The following TRPM3 variants were observed in gnomAD, a reference collection of about 807,000 sequenced individuals.
TRPM3 encodes long transient receptor potential channel 3.
TRPM3 carries 77 observed loss-of-function variants against 181.2 expected under a neutral mutation model. The observed-to-expected ratio is 0.42, with a 90% confidence interval of 0.35 to 0.51. The LOEUF (loss-of-function observed/expected upper bound fraction) is 0.51, where lower values mean the gene tolerates loss of function less well. Ranked by LOEUF, TRPM3 falls within the 20% of genes least tolerant of loss-of-function variation. TRPM3 has a pLI of 0.01. For missense variants in TRPM3, 1,759 were observed against 2,196.7 expected, an observed-to-expected ratio of 0.80 and a Z score of 3.98; for synonymous variants, 745 against 796.4, an observed-to-expected ratio of 0.94 and a Z score of 1.09.
intron 1 of TRPM3, among the ~76,000 whole-genome samples, chr9:70,962,385 A>C (rs2097144965): frequency 1.3e-5 from 2 of 152,158 alleles, no homozygotes; most frequent in African/African-American, 4.8e-5. Flanking sequence ...AGCAGTTAAA[A>C]GCCAGGCTCA....
At chr9:71,396,665 G>GGAA (rs2093203209) in intron 1 of TRPM3, among the ~76,000 whole-genome samples, 1 of 148,626 alleles carries the variant, frequency 6.7e-6, no homozygotes, top group African/African-American at 2.5e-5. Context: ...TCCTCTTTAA[G>GGAA]GAAAAAAAAA....
intron 1 of TRPM3, among the ~76,000 whole-genome samples, chr9:71,186,445 T>G (rs2077685007): frequency 6.6e-6 from 1 of 152,116 alleles, no homozygotes; most frequent in South Asian, 2.1e-4. Context: ...ATTCATGCTC[T>G]CTCTGCTCTG....
intron 1 of TRPM3, among the ~76,000 whole-genome samples, chr9:70,873,176 G>A (rs1034703833): frequency 2.0e-4 from 31 of 151,960 alleles, no homozygotes; most frequent in Admixed American, 3.3e-4. Flanking sequence ...AGGACCAAGC[G>A]CTCTTAAATG....
At chr9:70,813,824 A>G (rs1255254668) in intron 6 of TRPM3, among the ~76,000 whole-genome samples, 1 of 152,230 alleles carries the variant, frequency 6.6e-6, no homozygotes, top group Non-Finnish European at 1.5e-5. Context: ...TGTTTCTGGT[A>G]AATGGGAGTA....
rs115408328 is a variant in TRPM3 at position 71,068,302 on chromosome 9, C to T, written c.177+52876G>A. On this transcript the variant is annotated intron_variant, in intron 1 of 25. Coordinates refer to ENST00000677713, the MANE Select transcript of TRPM3 (RefSeq NM_001366145.2). Reference sequence around the variant, plus strand: ...GAATTCAACAGAACTTATTTATATGCTAATTTGCTACAGAGGACTGTACTT... The same window carrying T: ...GAATTCAACAGAACTTATTTATATGTTAATTTGCTACAGAGGACTGTACTT... Among the ~76,000 whole-genome samples the T allele has an allele frequency of 2.4e-3, 373 of 152,302 alleles. 2 individuals are homozygous for T. Among genetic ancestry groups the T allele is most frequent in the African/African-American group, 8.2e-3 (342 of 41,562 alleles).
chr9:71,279,717 A>T (rs771084981), intron 1 of TRPM3, among the ~76,000 whole-genome samples: 1 of 152,182 alleles, frequency 6.6e-6, no homozygotes, highest in African/African-American at 2.4e-5. Context: ...CAGCGTAGAC[A>T]GGGAGAGATG....
At chr9:70,859,549 T>A (rs1329909105) in intron 3 of TRPM3, among the ~76,000 whole-genome samples, 3 of 152,206 alleles carry the variant, frequency 2.0e-5, no homozygotes, top group Non-Finnish European at 4.4e-5. Flanking sequence ...GTAGTAGATG[T>A]TCCATACATT....
intron 1 of TRPM3, among the ~76,000 whole-genome samples, chr9:71,062,035 C>T (rs567159390): frequency 6.6e-6 from 1 of 152,194 alleles, no homozygotes; most frequent in East Asian, 1.9e-4. Flanking sequence ...GGCCCCACTG[C>T]TCCCAGGTAA....
intron 1 of TRPM3, among the ~76,000 whole-genome samples, chr9:71,230,372 A>G (rs1221038781): frequency 6.6e-6 from 1 of 152,130 alleles, no homozygotes; most frequent in Non-Finnish European, 1.5e-5. Flanking sequence ...GTACAAAAAA[A>G]TAGAAAATAT....
chr9:71,112,867 A>G (rs2071438106), intron 1 of TRPM3, among the ~76,000 whole-genome samples: 1 of 152,196 alleles, frequency 6.6e-6, no homozygotes, highest in Admixed American at 6.5e-5. Context: ...ACCTGCGTTG[A>G]GCATTAAAAT....
chr9:70,751,999 AGTGTGTGTGTGTGTGTGTGT>A (rs71507124), intron 8 of TRPM3, among the ~76,000 whole-genome samples: 1 of 104,496 alleles, frequency 9.6e-6, no homozygotes, highest in Non-Finnish European at 1.9e-5. Context: ...ACATCTCAAC[AGTGTGTGTGTGTGTGTGTGT>A]GTGTGTGTGT....
intron 1 of TRPM3, among the ~76,000 whole-genome samples, chr9:71,401,751 G>T (rs1016416362): frequency 1.3e-5 from 2 of 152,200 alleles, no homozygotes; most frequent in Non-Finnish European, 2.9e-5. Context: ...AACTAGAATG[G>T]ATGGGAAGGC....
At chr9:70,865,385 C>A (rs926642245) in intron 1 of TRPM3, 6 of 152,126 alleles carry the variant, frequency 3.9e-5, no homozygotes, top group Non-Finnish European at 8.8e-5. Context: ...ATTCAATGAG[C>A]TGCTCAGAGG....
intron 22 of TRPM3, among the ~76,000 whole-genome samples, chr9:70,565,630 A>ATTT (rs2050373663): frequency 6.7e-6 from 1 of 148,706 alleles, no homozygotes; most frequent in Admixed American, 6.7e-5. Context: ...CTGAGATACC[A>ATTT]ATCAAGTGAA....
chr9:71,352,737 G>A (rs912913074), intron 1 of TRPM3, among the ~76,000 whole-genome samples: 5 of 151,976 alleles, frequency 3.3e-5, no homozygotes, highest in Admixed American at 2.0e-4. Context: ...TGTTTCCCTG[G>A]CTGGCCCAAC....
chr9:71,102,280 G>A (rs907585385), intron 1 of TRPM3, among the ~76,000 whole-genome samples: 1 of 152,068 alleles, frequency 6.6e-6, no homozygotes, highest in African/African-American at 2.4e-5. Context: ...GATTTCTAAG[G>A]GCTGAGAATG....
chr9:70,948,347 A>G (rs2096959260), intron 1 of TRPM3, among the ~76,000 whole-genome samples: 1 of 152,190 alleles, frequency 6.6e-6, no homozygotes, highest in African/African-American at 2.4e-5. Context: ...CACCTATGTC[A>G]ATCTGAACAT....
chr9:71,196,644 GACACCTCAC>G (rs2078386615), intron 1 of TRPM3, among the ~76,000 whole-genome samples: 1 of 151,890 alleles, frequency 6.6e-6, no homozygotes, highest in African/African-American at 2.4e-5. Context: ...TTCAGTAATT[GACACCTCAC>G]AGGTAAATTC....
At chr9:70,959,040 T>G (rs1344031064) in intron 1 of TRPM3, among the ~76,000 whole-genome samples, 1 of 150,610 alleles carries the variant, frequency 6.6e-6, no homozygotes, top group East Asian at 2.0e-4. Flanking sequence ...CATTAGGAGA[T>G]ATACCTAATG....
Sources: allele counts gnomAD v4.1 joint callset (sites outside exome capture counted in the v4.1 genomes callset), GRCh38; gene constraint gnomAD v4.1.1; transcripts MANE v1.5; gene names NCBI Gene and HGNC (gene_info 2026-07-23, HGNC 2026-07-21).